The following PARPBP variants were observed in gnomAD, a reference collection of about 807,000 sequenced individuals.
PARPBP encodes PCNA-interacting partner.
PARPBP carries 52 observed loss-of-function variants against 50.0 expected under a neutral mutation model. The observed-to-expected ratio is 1.04, with a 90% CI of 0.83 to 1.31. The LOEUF is 1.31. Ranked by LOEUF, PARPBP falls within the 50% of genes most tolerant of loss-of-function variation. The pLI is 0.00. For missense variants in PARPBP, 697 were observed against 672.0 expected (o/e 1.04, Z -0.41); for synonymous variants, 244 against 232.1 (o/e 1.05, Z -0.47).
intron 2 of PARPBP, among the ~76,000 whole-genome samples, chr12:102,130,495 C>G (rs138809756): frequency 0.023 from 3,494 of 151,866 alleles, 50 homozygotes; most frequent in Non-Finnish European, 0.034. Context: ...ATACATCTGA[C>G]AAAGGTCTGA....
At position 102,179,267 on chromosome 12, in the gene PARPBP, A is replaced by G. The variant is rs151224830; in HGVS notation, c.1184+497A>G. On this transcript the variant is annotated intron_variant, in intron 8 of 10. Transcript: ENST00000327680. ...ACTACTATTCTGCCTAGAATAAGAG[A>G]GAGCACATACACCAAACTTACACTG... is the stretch of plus-strand genomic sequence containing the variant. 6.7e-3 allele frequency among the ~76,000 whole-genome samples: 1,012 copies of G among 150,466 alleles called. 13 individuals are homozygous for G. Among genetic ancestry groups the G allele is most frequent in the African/African-American group, 0.023 (945 of 41,502 alleles).
chr12:102,188,424 A>G (rs1890506943), intron 9 of PARPBP, among the ~76,000 whole-genome samples: 1 of 152,134 alleles, frequency 6.6e-6, no homozygotes, highest in African/African-American at 2.4e-5. Flanking sequence ...AGCTTAGAGC[A>G]CACCCGAGGA....
intron 4 of PARPBP, among the ~76,000 whole-genome samples, chr12:102,156,495 A>AATT (rs1484758749): frequency 6.6e-6 from 1 of 152,038 alleles, no homozygotes; most frequent in South Asian, 2.1e-4. Flanking sequence ...CCCGGCCCAG[A>AATT]ATTAACCTTA....
intron 3 of PARPBP, 141 bp downstream of exon 3, chr12:102,148,604 C>T: frequency 2.1e-6 from 1 of 477,694 alleles, no homozygotes; most frequent in Non-Finnish European, 3.7e-6. Context: ...ATTTAGCTAC[C>T]TGAAAGCTAC....
intron 6 of PARPBP, among the ~76,000 whole-genome samples, chr12:102,168,858 A>G (rs1432691189): frequency 6.6e-6 from 1 of 152,226 alleles, no homozygotes; most frequent in Non-Finnish European, 1.5e-5. Context: ...CTATAAGCTT[A>G]TAAGAAATAA....
chr12:102,168,114 G>A (rs1888332832), intron 6 of PARPBP, among the ~76,000 whole-genome samples: 1 of 152,082 alleles, frequency 6.6e-6, no homozygotes, highest in African/African-American at 2.4e-5. Flanking sequence ...CTCATCAGCT[G>A]TTGTTTCCTC....
chr12:102,129,197 A>G (rs1882473108), intron 2 of PARPBP, among the ~76,000 whole-genome samples: 1 of 152,202 alleles, frequency 6.6e-6, no homozygotes, highest in African/African-American at 2.4e-5. Context: ...TATGTTGCCC[A>G]GGCTGTACTT....
chr12:102,188,408 G>A lies in PARPBP; in HGVS notation c.1263+5781G>A, dbSNP rs1263061440. On this transcript the variant is annotated intron_variant, in intron 9 of 10. Coordinates refer to ENST00000327680, the MANE Select transcript of PARPBP (RefSeq NM_017915.5). Reference sequence around the variant, plus strand: ...GACAGAGATCCCTACAAGGCTCGCAGTTGAAAGCTTAGAGCACACCCGAGG... The same window carrying A: ...GACAGAGATCCCTACAAGGCTCGCAATTGAAAGCTTAGAGCACACCCGAGG... Among the ~76,000 whole-genome samples, 3 of 152,098 alleles carry A rather than the reference G, an allele frequency of 2.0e-5. No individual in the cohort carries two copies. In the East Asian group the frequency reaches 5.8e-4, roughly 29 times the overall value.
intron 4 of PARPBP, among the ~76,000 whole-genome samples, chr12:102,158,902 C>G (rs1887261957): frequency 6.6e-6 from 1 of 152,108 alleles, no homozygotes; most frequent in Non-Finnish European, 1.5e-5. Flanking sequence ...AGATTATAAG[C>G]ATGTAGTTTC....
chr12:102,171,712 A>G (rs1379442349), intron 6 of PARPBP, among the ~76,000 whole-genome samples: 2 of 151,986 alleles, frequency 1.3e-5, no homozygotes, highest in Non-Finnish European at 2.9e-5. Context: ...TAAAAATACA[A>G]AAAATTAGCC....
At chr12:102,136,358 G>A (rs966586449) in intron 2 of PARPBP, among the ~76,000 whole-genome samples, 1 of 152,150 alleles carries the variant, frequency 6.6e-6, no homozygotes, top group African/African-American at 2.4e-5. Context: ...ATTGGAGGCT[G>A]TTATTCTGGA....
intron 2 of PARPBP, among the ~76,000 whole-genome samples, chr12:102,132,643 T>C (rs543125444): frequency 5.1e-4 from 77 of 152,292 alleles, no homozygotes; most frequent in African/African-American, 1.8e-3. Flanking sequence ...TTGGGGTCTG[T>C]TGTAGTTCCA....
At chr12:102,150,836 G>A (rs1424637252) in intron 3 of PARPBP, among the ~76,000 whole-genome samples, 2 of 152,168 alleles carry the variant, frequency 1.3e-5, no homozygotes, top group Admixed American at 6.6e-5. Flanking sequence ...CATATTCCCT[G>A]ACCCTCAAGC....
chr12:102,120,383 G>GT, intron 1 of PARPBP, 97 bp downstream of exon 1: 1 of 448,764 alleles, frequency 2.2e-6, no homozygotes. Context: ...TACCTCGGTC[G>GT]TAGCAAAGTG....
intron 2 of PARPBP, among the ~76,000 whole-genome samples, chr12:102,140,932 T>C (rs1884486680): frequency 6.6e-6 from 1 of 152,200 alleles, no homozygotes; most frequent in Admixed American, 6.5e-5. Context: ...ATAAGTGCGG[T>C]GTGGTGCTGA....
chr12:102,155,278 A>G (rs1034866720), intron 4 of PARPBP: 1 of 153,152 alleles, frequency 6.5e-6, no homozygotes, highest in Non-Finnish European at 1.5e-5. Context: ...GGAAGACTCC[A>G]TCTCAAAAAA....
intron 9 of PARPBP, 57 bp downstream of exon 9, chr12:102,182,684 T>A: frequency 8.8e-7 from 1 of 1,132,780 alleles, no homozygotes; most frequent in Non-Finnish European, 1.3e-6. Flanking sequence ...TTAGAAGAAA[T>A]AAATACATGA....
In PARPBP at chr12:102,164,308, T is replaced by G; in HGVS notation, c.496-130T>G. The G allele has an allele frequency of 2.9e-6, 2 of 678,572 alleles. No individual in the cohort carries two copies. The allele number at this position is 678,572 out of a possible 1,614,324, so 42.0% of individuals were successfully genotyped here. On this transcript the variant is annotated intron_variant, in intron 4 of 10. Transcript: ENST00000327680. ...TGCCCAACCTGTTTTTATATGGCAG[T>G]TTTATTTTTCTAAAGAGTTAAGTGA...
intron 6 of PARPBP, among the ~76,000 whole-genome samples, chr12:102,170,328 T>C (rs1209591968): frequency 1.3e-5 from 2 of 152,260 alleles, no homozygotes; most frequent in African/African-American, 4.8e-5. Flanking sequence ...ATTTCATCAC[T>C]GTACAAACAT....
Sources: gnomAD v4.1 joint callset for allele counts (sites outside exome capture counted in the v4.1 genomes callset) on GRCh38, gnomAD v4.1.1 for gene constraint, MANE v1.5 for transcripts, NCBI Gene and HGNC (gene_info 2026-07-23, HGNC 2026-07-21) for gene names.